REDIC1: variants seen among roughly 807,000 people sequenced by gnomAD.
REDIC1 encodes HEI10 Interacting Protein 1.
the REDIC1 span, among the ~76,000 whole-genome samples, chr12:39,803,154 ACCAGCC>A: frequency 1.3e-5 from 2 of 151,214 alleles, no homozygotes; most frequent in Admixed American, 6.6e-5. Flanking sequence ...TATTCTAGGG[ACCAGCC>A]TATTGGTTGG....
the REDIC1 span, among the ~76,000 whole-genome samples, chr12:39,883,287 T>C: frequency 1.3e-5 from 2 of 152,176 alleles, no homozygotes; most frequent in African/African-American, 4.8e-5. Context: ...TGAATACGCC[T>C]CACCACCATC....
chr12:39,644,821 A>G, the REDIC1 span, among the ~76,000 whole-genome samples: 1 of 151,960 alleles, frequency 6.6e-6, no homozygotes, highest in Non-Finnish European at 1.5e-5. Flanking sequence ...AACAAAAGAC[A>G]GATTAACAGG....
the REDIC1 span, among the ~76,000 whole-genome samples, chr12:39,844,530 T>C: frequency 6.6e-6 from 1 of 152,092 alleles, no homozygotes; most frequent in African/African-American, 2.4e-5. Context: ...AACTCAGTGT[T>C]CTTTTTAGAA....
At chr12:39,724,656 T>C in the REDIC1 span, among the ~76,000 whole-genome samples, 12 of 152,096 alleles carry the variant, frequency 7.9e-5, no homozygotes. Context: ...AACTAAAAGG[T>C]TAACATTGCT....
chr12:39,632,758 T>C, the REDIC1 span, among the ~76,000 whole-genome samples: 2 of 152,192 alleles, frequency 1.3e-5, no homozygotes, highest in African/African-American at 2.4e-5. Context: ...TACAGCATGT[T>C]ACTGTACTGA....
the REDIC1 span, chr12:39,626,448 T>C: frequency 2.7e-5 from 42 of 1,537,822 alleles, no homozygotes; most frequent in Admixed American, 2.0e-4. Context: ...CAGCCTTAGC[T>C]GGAAAGAACT....
the REDIC1 span, among the ~76,000 whole-genome samples, chr12:39,706,661 A>C: frequency 5.9e-5 from 9 of 151,990 alleles, no homozygotes; most frequent in African/African-American, 2.2e-4. Context: ...AAACAGACAC[A>C]TAGACCAATG....
the REDIC1 span, among the ~76,000 whole-genome samples, chr12:39,750,079 A>G: frequency 6.6e-6 from 1 of 152,240 alleles, no homozygotes; most frequent in South Asian, 2.1e-4. Flanking sequence ...GCAATCAGGC[A>G]GGAGAAAGAA....
the REDIC1 span, chr12:39,646,483 TA>T: frequency 6.5e-7 from 1 of 1,547,592 alleles, no homozygotes; most frequent in East Asian, 2.5e-5. Flanking sequence ...CTAGGATTTA[TA>T]TTATTAGGTG....
chr12:39,879,240 G>T, the REDIC1 span, among the ~76,000 whole-genome samples: 1 of 152,226 alleles, frequency 6.6e-6, no homozygotes, highest in African/African-American at 2.4e-5. Context: ...CCCTACTAGG[G>T]AAGTACCAAG....
chr12:39,872,668 G>A, the REDIC1 span, among the ~76,000 whole-genome samples: 1 of 152,194 alleles, frequency 6.6e-6, no homozygotes, highest in Non-Finnish European at 1.5e-5. Flanking sequence ...TGGAAGATAT[G>A]TCTGGCACAT....
chr12:39,683,686 C>G, the REDIC1 span, among the ~76,000 whole-genome samples: 5 of 151,216 alleles, frequency 3.3e-5, 1 homozygote, highest in African/African-American at 4.9e-5. Context: ...TGCCAGCTCC[C>G]AAATACCTTC....
chr12:39,699,297 G>A, the REDIC1 span, among the ~76,000 whole-genome samples: 1 of 152,202 alleles, frequency 6.6e-6, no homozygotes, highest in Admixed American at 6.5e-5. Context: ...GGAAGCGAAA[G>A]GGGTCAGGGA....
chr12:39,682,872 GA>G, the REDIC1 span: 1 of 1,612,710 alleles, frequency 6.2e-7, no homozygotes, highest in Non-Finnish European at 8.5e-7. Flanking sequence ...AAAGGATAAA[GA>G]AAACATTTAA....
At chr12:39,731,361 T>C in the REDIC1 span, among the ~76,000 whole-genome samples, 4 of 152,218 alleles carry the variant, frequency 2.6e-5, no homozygotes, top group Admixed American at 6.5e-5. Context: ...TTTTTGTTGA[T>C]GTTAATGCTA....
the REDIC1 span, among the ~76,000 whole-genome samples, chr12:39,742,116 T>A: frequency 2.0e-5 from 3 of 152,100 alleles, no homozygotes; most frequent in Non-Finnish European, 1.5e-5. Flanking sequence ...ACAACTCAGT[T>A]TTTAAGGTTT....
At chr12:39,680,740 C>A in the REDIC1 span, among the ~76,000 whole-genome samples, 1 of 149,968 alleles carries the variant, frequency 6.7e-6, no homozygotes, top group Non-Finnish European at 1.5e-5. Context: ...TGCCTATCAA[C>A]CAATGAGTGG....
the REDIC1 span, among the ~76,000 whole-genome samples, chr12:39,896,570 ATGTATG>A: frequency 8.7e-6 from 1 of 114,980 alleles, no homozygotes; most frequent in Non-Finnish European, 1.9e-5. Flanking sequence ...ACATATATGT[ATGTATG>A]TGTGTATATA....
the REDIC1 span, among the ~76,000 whole-genome samples, chr12:39,661,607 T>C: frequency 6.6e-6 from 1 of 152,164 alleles, no homozygotes; most frequent in Non-Finnish European, 1.5e-5. Flanking sequence ...ACAGGTTGTC[T>C]CTTCACTCTG....
Sources: gnomAD v4.1 joint callset for allele counts (sites outside exome capture counted in the v4.1 genomes callset) on GRCh38, gnomAD v4.1.1 for gene constraint, MANE v1.5 for transcripts, NCBI Gene and HGNC (gene_info 2026-07-23, HGNC 2026-07-21) for gene names.